TRIT1: variants seen among roughly 807,000 people sequenced by gnomAD.
The protein encoded by TRIT1 is tRNA dimethylallyltransferase.
Under a neutral mutation model 51.2 loss-of-function variants are expected in TRIT1, and 43 were observed. The observed-to-expected ratio is 0.84, with a 90% CI of 0.66 to 1.08. The LOEUF (loss-of-function observed/expected upper bound fraction) is 1.08. Among genes scored for constraint, TRIT1 ranks in the 50% least tolerant of loss-of-function variants. TRIT1 has a pLI of 0.00. For synonymous variants in TRIT1, 184 were observed against 203.9 expected (o/e 0.90, Z 0.83); for missense variants, 528 against 578.4 (o/e 0.91, Z 0.89).
chr1:39,873,402 C>T (rs1208753248), intron 1 of TRIT1, among the ~76,000 whole-genome samples: 1 of 152,092 alleles, frequency 6.6e-6, no homozygotes, highest in Non-Finnish European at 1.5e-5. Flanking sequence ...GAGACATCTA[C>T]AAAAGAGCTG....
At position 39,841,899 on chromosome 1, in the gene TRIT1, T is replaced by C. The variant is rs1321561717; in HGVS notation, c.1249A>G (p.Lys417Glu). 6 of 1,612,380 alleles carry C rather than the reference T, an allele frequency of 3.7e-6. No homozygotes were observed. The highest frequency in any genetic ancestry group is 5.1e-6 in the Non-Finnish European group (6 of 1,179,490). Residue 417 changes from lysine to glutamate, a missense_variant, in exon 11 of 11, where the codon AAA becomes GAA. Coordinates refer to ENST00000316891, the MANE Select transcript of TRIT1 (RefSeq NM_017646.6). ...DREWAAHIKS[K>E]SHLNQLKKRR... The stretch of plus-strand genomic sequence containing the variant: ...TTCTTCAGTTGGTTCAAGTGGGATT[T>C]GGATTTTATGTGCGCTGATAAGACA...
intron 1 of TRIT1, 25 bp from the exon 2 acceptor site, chr1:39,857,442 G>C (rs780379490): frequency 6.2e-7 from 1 of 1,604,718 alleles, no homozygotes; most frequent in Non-Finnish European, 8.5e-7. Context: ...ATTAACATGA[G>C]AAAGTCAACC....
chr1:39,880,671 C>T (rs970772341), intron 1 of TRIT1, among the ~76,000 whole-genome samples: 1 of 151,646 alleles, frequency 6.6e-6, no homozygotes, highest in East Asian at 2.0e-4. Context: ...TGGTGGCGGG[C>T]GTCTGTAATT....
chr1:39,850,144 G>C lies in TRIT1; in HGVS notation c.678C>G (p.Ile226Met). ...GGPLKFSNPC[I>M]LWLHADQAVL... The stretch of plus-strand genomic sequence containing the variant: ...CTGCCTGGTCAGCATGAAGCCAAAG[G>C]ATGCAAGGGTTAGAGAACTTCAGAG... The change falls in exon 5 of 11, where the codon ATC (isoleucine) becomes ATG (methionine). Residue 226 changes from isoleucine (I) to methionine (M), a missense_variant. Physicochemically the swap from Ile to Met is conservative, Grantham distance 10. Coordinates refer to ENST00000316891, the MANE Select transcript of TRIT1 (RefSeq NM_017646.6). 6.2e-7 allele frequency: 1 copy of C among 1,614,142 alleles called. No individual in the cohort carries two copies. The highest frequency in any genetic ancestry group is 8.5e-7 in the Non-Finnish European group (1 of 1,180,022).
At chr1:39,883,182 T>G (rs549148043) in intron 1 of TRIT1, 136 bp downstream of exon 1, 16 of 849,742 alleles carry the variant, frequency 1.9e-5, no homozygotes, top group Non-Finnish European at 2.8e-5. Flanking sequence ...CGGCGGGTGC[T>G]TAGTAAGTAT....
intron 1 of TRIT1, chr1:39,862,967 G>C (rs1277945919): frequency 1.0e-6 from 1 of 985,094 alleles, no homozygotes. Flanking sequence ...GGAATGAAAT[G>C]CTTTTCTCTG....
chr1:39,876,554 AT>A, intron 1 of TRIT1, among the ~76,000 whole-genome samples: 1 of 148,192 alleles, frequency 6.7e-6, no homozygotes, highest in South Asian at 2.2e-4. Context: ...CTATCTATCT[AT>A]CTATATATAT....
chr1:39,881,585 G>T (rs1400764312), intron 1 of TRIT1: 1 of 150,704 alleles, frequency 6.6e-6, no homozygotes, highest in African/African-American at 2.5e-5. Context: ...GTCATGTACA[G>T]TAGTGAGAAA....
chr1:39,844,276 C>G, intron 9 of TRIT1, 58 bp from the exon 10 acceptor site: 1 of 1,388,562 alleles, frequency 7.2e-7, no homozygotes, highest in East Asian at 2.3e-5. Context: ...ATATAATTCT[C>G]TATTAAGGGA....
At chr1:39,879,681 C>A (rs1644184793) in intron 1 of TRIT1, among the ~76,000 whole-genome samples, 1 of 151,166 alleles carries the variant, frequency 6.6e-6, no homozygotes, top group South Asian at 2.1e-4. Context: ...CCAGACCAGC[C>A]TGGCCAACAT....
intron 1 of TRIT1, among the ~76,000 whole-genome samples, chr1:39,865,671 C>CAAAAAAAA (rs142393332): frequency 4.4e-4 from 30 of 68,196 alleles, no homozygotes; most frequent in African/African-American, 9.9e-4. Flanking sequence ...TCTGTCTCTA[C>CAAAAAAAA]AAAAAAAAAA....
chr1:39,870,996 C>T (rs7542060), intron 1 of TRIT1, among the ~76,000 whole-genome samples: 27,753 of 152,116 alleles, frequency 0.18, 2,682 homozygotes, highest in Non-Finnish European at 0.22. Flanking sequence ...GAGTTCAAGA[C>T]CAGCCTGACC....
At chr1:39,862,940 G>A in intron 1 of TRIT1, 1 of 985,370 alleles carries the variant, frequency 1.0e-6, no homozygotes, top group Non-Finnish European at 1.2e-6. Context: ...TGTGATCTGT[G>A]TGCATGGAAA....
intron 4 of TRIT1, among the ~76,000 whole-genome samples, chr1:39,852,180 T>C (rs532986257): frequency 1.1e-4 from 17 of 152,262 alleles, no homozygotes; most frequent in African/African-American, 4.1e-4. Context: ...GTATCACTCC[T>C]AATACTGCAG....
At chr1:39,875,706 G>A (rs1351328675) in intron 1 of TRIT1, among the ~76,000 whole-genome samples, 1 of 151,986 alleles carries the variant, frequency 6.6e-6, no homozygotes, top group Non-Finnish European at 1.5e-5. Context: ...TCTTTTGTCA[G>A]TAATATTATT....
chr1:39,857,541 G>T, intron 1 of TRIT1, 124 bp from the exon 2 acceptor site: 10 of 1,057,774 alleles, frequency 9.5e-6, no homozygotes, highest in Non-Finnish European at 1.3e-5. Context: ...AAGCACCAGG[G>T]TAGATGTATT....
At chr1:39,870,335 A>G (rs1288310413) in intron 1 of TRIT1, among the ~76,000 whole-genome samples, 1 of 151,696 alleles carries the variant, frequency 6.6e-6, no homozygotes, top group Non-Finnish European at 1.5e-5. Context: ...AGTCATCACC[A>G]CTCCCTAATC....
chr1:39,840,929 T>C lies in TRIT1; in HGVS notation c.*815A>G, dbSNP rs527315547. 2.6e-5 allele frequency: 4 copies of C among 152,276 alleles called. No homozygotes were observed. Among genetic ancestry groups the C allele is most frequent in the African/African-American group, 9.6e-5 (4 of 41,554 alleles). 9.4% of individuals were successfully genotyped at this position (152,276 alleles called of 1,614,324 possible). ...GTTAAATAAACACCCGCTACATAAA[T>C]GAACAGACAGCATGATCTACAAAAA... is the stretch of plus-strand genomic sequence containing the variant. On this transcript the variant is annotated 3_prime_UTR_variant, in exon 11 of 11. Coordinates refer to ENST00000316891, the MANE Select transcript of TRIT1 (RefSeq NM_017646.6).
In TRIT1 at chr1:39,845,082, T is replaced by C. The variant is rs141174943; in HGVS notation, c.1007-442A>G. 3.5e-3 allele frequency among the ~76,000 whole-genome samples: 530 copies of C among 152,372 alleles called. 1 individual carries two copies. The highest frequency in any genetic ancestry group is 0.012 in the African/African-American group (485 of 41,590). ...AGCAGATACTAGTCTCGGGTTTGCA[T>C]ATATTCCCTCAGCGGCCTGGGACTC... On this transcript the variant is annotated intron_variant, in intron 8 of 10. Coordinates refer to ENST00000316891, the MANE Select transcript of TRIT1 (RefSeq NM_017646.6).
Sources: allele counts gnomAD v4.1 joint callset (sites outside exome capture counted in the v4.1 genomes callset), GRCh38; gene constraint gnomAD v4.1.1; transcripts MANE v1.5; gene names NCBI Gene and HGNC (gene_info 2026-07-23, HGNC 2026-07-21).